NRIP1: variants seen among roughly 807,000 people sequenced by gnomAD.
The protein encoded by NRIP1 is nuclear receptor-interacting protein 1.
A neutral mutation model predicts 75.0 loss-of-function variants in NRIP1; 28 were observed. The observed-to-expected ratio is 0.37, with a 90% CI of 0.28 to 0.51. The LOEUF (loss-of-function observed/expected upper bound fraction) is 0.51, where lower values mean the gene tolerates loss of function less well. Ranked by LOEUF, NRIP1 falls within the 20% of genes least tolerant of loss-of-function variation. NRIP1 has a pLI of 0.92. For synonymous variants in NRIP1, 526 were observed against 487.6 expected (o/e 1.08, Z -1.04); for missense variants, 1,435 against 1,343.7 (o/e 1.07, Z -1.06).
chr21:14,988,384 T>C (rs2087464209), intron 3 of NRIP1, among the ~76,000 whole-genome samples: 2 of 151,996 alleles, frequency 1.3e-5, no homozygotes, highest in African/African-American at 2.4e-5. Context: ...AGTCACCCTA[T>C]ATAAAGCTCC....
chr21:14,966,930 A>G lies in NRIP1; in HGVS notation c.1263T>C (p.Asn421=), dbSNP rs1378438092. ...PTTIDEYSDN[N]PSFTDDSSGD... is the part of the protein sequence containing the mutation. ...CACTGCTGTCATCTGTAAAACTAGGATTGTTATCTGAATATTCATCAATAG... is the reference window on the plus strand; with the variant it reads ...CACTGCTGTCATCTGTAAAACTAGGGTTGTTATCTGAATATTCATCAATAG... The change falls in exon 4 of 4, where the codon AAT becomes AAC. Residue 421 remains asparagine (N), a synonymous_variant. Coordinates refer to ENST00000318948, the MANE Select transcript of NRIP1 (RefSeq NM_003489.4). 2.5e-6 allele frequency: 4 copies of G among 1,614,062 alleles called. No homozygotes were observed. In the African/African-American group the frequency reaches 5.3e-5, roughly 22 times the overall value.
Position 14,967,047 on chromosome 21 carries a change from A to G in NRIP1, c.1146T>C (p.His382=). ...KQAANNSLLL[H]LLKSQTIPKP... ...TAGGTATAGTCTGGCTTTTAAGAAG[A>G]TGTAAAAGCAAACTATTGTTAGCAG... Residue 382 remains histidine, a synonymous_variant, in exon 4 of 4, where the codon CAT becomes CAC. Transcript: ENST00000318948. 2 of 1,614,148 alleles carry G rather than the reference A, an allele frequency of 1.2e-6. No homozygotes were observed. Among genetic ancestry groups the G allele is most frequent in the African/African-American group, 1.3e-5 (1 of 75,034 alleles).
At chr21:15,044,544 T>C (rs2147332347) in intron 1 of NRIP1, among the ~76,000 whole-genome samples, 1 of 152,142 alleles carries the variant, frequency 6.6e-6, no homozygotes, top group East Asian at 1.9e-4. Context: ...CAGCATTCCA[T>C]TTCTATCAGC....
chr21:15,031,132 G>A lies in NRIP1; in HGVS notation c.-458+12363C>T, dbSNP rs539030432. Among the ~76,000 whole-genome samples the A allele has an allele frequency of 5.4e-5, 7 of 129,472 alleles. 1 individual carries two copies. In the East Asian group the frequency reaches 1.7e-3, roughly 31 times the overall value. The allele number at this position is 129,472 out of a possible 152,430, so 84.9% of individuals were successfully genotyped here. The stretch of plus-strand genomic sequence containing the variant: ...TTCCCTTTCTATGTGTATACACTCT[G>A]GAAGGCGCACGGAGGATCACCACAT... On this transcript the variant is annotated intron_variant, in intron 2 of 3. Coordinates refer to ENST00000318948, the MANE Select transcript of NRIP1 (RefSeq NM_003489.4).
intron 2 of NRIP1, among the ~76,000 whole-genome samples, chr21:15,041,564 T>G (rs2088955246): frequency 6.6e-6 from 1 of 152,194 alleles, no homozygotes; most frequent in South Asian, 2.1e-4. Flanking sequence ...AATTCCTATC[T>G]TGAATATACA....
chr21:14,998,050 A>C (rs2087771183), intron 3 of NRIP1, among the ~76,000 whole-genome samples: 1 of 152,116 alleles, frequency 6.6e-6, no homozygotes, highest in Non-Finnish European at 1.5e-5. Context: ...TCCAAACCAC[A>C]CTGCTACTGT....
intron 1 of NRIP1, among the ~76,000 whole-genome samples, chr21:15,064,267 C>CT (rs1421048032): frequency 1.3e-5 from 2 of 152,210 alleles, no homozygotes; most frequent in East Asian, 3.9e-4. Flanking sequence ...GTCCCTTTTC[C>CT]TATTCACTTT....
chr21:15,058,494 G>A (rs994672083), intron 1 of NRIP1, among the ~76,000 whole-genome samples: 2 of 151,514 alleles, frequency 1.3e-5, no homozygotes, highest in Admixed American at 1.3e-4. Flanking sequence ...ATAAATTCAG[G>A]AATTTAAAAA....
intron 2 of NRIP1, among the ~76,000 whole-genome samples, chr21:15,018,632 G>T (rs1326199362): frequency 6.6e-6 from 1 of 152,108 alleles, no homozygotes; most frequent in Non-Finnish European, 1.5e-5. Flanking sequence ...AACAAATTAG[G>T]TCAGAGATGT....
At chr21:15,014,159 T>C (rs955445385) in intron 3 of NRIP1, among the ~76,000 whole-genome samples, 185 bp downstream of exon 3, 3 of 152,234 alleles carry the variant, frequency 2.0e-5, no homozygotes, top group African/African-American at 7.2e-5. Context: ...TATAAGTTCC[T>C]TAAAGGAAGG....
At chr21:15,039,507 A>G (rs913063238) in intron 2 of NRIP1, among the ~76,000 whole-genome samples, 1 of 152,164 alleles carries the variant, frequency 6.6e-6, no homozygotes, top group Non-Finnish European at 1.5e-5. Context: ...GATGGTTTAT[A>G]GTCTTGATTT....
intron 1 of NRIP1, chr21:15,051,165 G>T (rs952053419): frequency 3.1e-6 from 1 of 319,820 alleles, no homozygotes; most frequent in African/African-American, 2.2e-5. Context: ...TGAATGGCAT[G>T]CTGTGCCTCC....
At chr21:15,024,501 C>G (rs1310409451) in intron 2 of NRIP1, among the ~76,000 whole-genome samples, 1 of 152,046 alleles carries the variant, frequency 6.6e-6, no homozygotes, top group Non-Finnish European at 1.5e-5. Context: ...GAGAACGCAT[C>G]ACTGCACTCC....
chr21:14,965,780 G>T lies in NRIP1; in HGVS notation c.2413C>A (p.Pro805Thr), dbSNP rs182207972. 2 of 1,613,970 alleles carry T rather than the reference G, an allele frequency of 1.2e-6. No homozygotes were observed. Among genetic ancestry groups the T allele is most frequent in the East Asian group, 4.5e-5 (2 of 44,870 alleles). Reference sequence around the variant, plus strand: ...AAAGAAAAATCCTGAGGTGAAACAGGCTCCGATTTAAAGTCTTCGGACACT... The same window carrying T: ...AAAGAAAAATCCTGAGGTGAAACAGTCTCCGATTTAAAGTCTTCGGACACT... ...LPVSEDFKSE[P>T]VSPQDFSFSK... The change falls in exon 4 of 4, where the codon CCT becomes ACT. Residue 805 changes from proline (P) to threonine (T), a missense_variant. By Grantham distance (38) the Pro-to-Thr change is conservative (BLOSUM62 -1). Transcript: ENST00000318948.
chr21:15,018,830 A>G (rs906652187), intron 2 of NRIP1, among the ~76,000 whole-genome samples: 1 of 152,212 alleles, frequency 6.6e-6, no homozygotes, highest in Non-Finnish European at 1.5e-5. Flanking sequence ...CATTACAATG[A>G]GAAAAAATAT....
intron 2 of NRIP1, among the ~76,000 whole-genome samples, chr21:15,023,354 C>G (rs1040542233): frequency 2.0e-5 from 3 of 152,132 alleles, no homozygotes; most frequent in Admixed American, 6.5e-5. Context: ...TTTATCAGAA[C>G]AGTTTGTTAA....
In NRIP1 at chr21:14,967,860, C is replaced by T; in HGVS notation, c.333G>A (p.Lys111=). 2 of 1,614,080 alleles carry T rather than the reference C, an allele frequency of 1.2e-6. No homozygotes were observed. Among genetic ancestry groups the T allele is most frequent in the Middle Eastern group, 3.3e-4 (2 of 6,062 alleles). The change falls in exon 4 of 4, where the codon AAG becomes AAA. Residue 111 remains lysine (K), a synonymous_variant. Transcript: ENST00000318948. Reference sequence around the variant, plus strand: ...CCATGCCAGCTAGCAAAGCTTCCTTCTTTACGTTTAAATTCATGATAGAAT... The same window carrying T: ...CCATGCCAGCTAGCAAAGCTTCCTTTTTTACGTTTAAATTCATGATAGAAT... ...LSDSIMNLNV[K]KEALLAGMVD... is the part of the protein sequence containing the mutation.
intron 3 of NRIP1, among the ~76,000 whole-genome samples, chr21:14,970,567 A>T (rs1364602119): frequency 6.6e-6 from 1 of 152,112 alleles, no homozygotes; most frequent in East Asian, 1.9e-4. Flanking sequence ...AACAAAAATA[A>T]CAACTGCTAA....
At chr21:15,054,711 A>G (rs1211180922) in intron 1 of NRIP1, among the ~76,000 whole-genome samples, 2 of 152,242 alleles carry the variant, frequency 1.3e-5, no homozygotes, top group Admixed American at 6.5e-5. Flanking sequence ...AAATTTTGCC[A>G]GTGGTTGGGA....
Sources: allele counts gnomAD v4.1 joint callset (sites outside exome capture counted in the v4.1 genomes callset), GRCh38; gene constraint gnomAD v4.1.1; transcripts MANE v1.5; gene names NCBI Gene and HGNC (gene_info 2026-07-23, HGNC 2026-07-21).